The following RNF157 variants were observed in gnomAD, a reference collection of about 807,000 sequenced individuals.
RNF157 encodes E3 ubiquitin ligase RNF157.
A neutral mutation model predicts 88.3 loss-of-function variants in RNF157; 55 were observed. The ratio of observed to expected loss-of-function variants is 0.62; its 90% CI spans 0.50 to 0.78. The LOEUF is 0.78. Among genes scored for constraint, RNF157 ranks in the 30% least tolerant of loss-of-function variants. The probability of loss-of-function intolerance (pLI) is 0.00; values close to 1 mark genes in which losing one functional copy is unlikely to be tolerated. For synonymous variants in RNF157, 334 were observed against 341.2 expected (o/e 0.98, Z 0.23); for missense variants, 788 against 860.8 (o/e 0.92, Z 1.06).
chr17:76,146,423 C>A lies in RNF157; in HGVS notation c.1922-1070G>T. The stretch of plus-strand genomic sequence containing the variant: ...CCCTGGGAGTCCTCTTCATCTCCTG[C>A]CCACAGATGAGCTCCTCCCTCCAGT... On this transcript the variant is annotated intron_variant, in intron 18 of 18. Coordinates refer to ENST00000269391, the MANE Select transcript of RNF157 (RefSeq NM_052916.3). This position sits in a 1 kb window ranked among gnomAD's most constrained non-coding sequence, Gnocchi z 4.2. 2 of 985,624 alleles carry A rather than the reference C, an allele frequency of 2.0e-6. No homozygotes were observed. The highest frequency in any genetic ancestry group is 2.4e-6 in the Non-Finnish European group (2 of 830,034). 61.1% of individuals were successfully genotyped at this position (985,624 alleles called of 1,614,324 possible).
At chr17:76,179,407 A>C (rs1238852251) in intron 2 of RNF157, among the ~76,000 whole-genome samples, 1 of 151,952 alleles carries the variant, frequency 6.6e-6, no homozygotes, top group Admixed American at 6.6e-5. Flanking sequence ...GGAAAAAAAA[A>C]GAGGCCAAGC....
In RNF157 at chr17:76,145,287, C is replaced by T. The variant is rs1338715988; in HGVS notation, c.1988G>A (p.Ser663Asn). Residue 663 changes from serine to asparagine, a missense_variant, in exon 19 of 19, where the codon AGC becomes AAC. Transcript: ENST00000269391. Reference sequence around the variant, plus strand: ...GGGCCTCGTCTCAGAGTCCTCCAGGCTGCTGGATGACAAGCGCCGGCGCTG... The same window carrying T: ...GGGCCTCGTCTCAGAGTCCTCCAGGTTGCTGGATGACAAGCGCCGGCGCTG... ...NAQRRRLSSS[S>N]LEDSETRPCV... The T allele has an allele frequency of 2.5e-6, 4 of 1,610,366 alleles. No homozygotes were observed. In the African/African-American group the frequency reaches 4.0e-5, roughly 16 times the overall value.
intron 3 of RNF157, among the ~76,000 whole-genome samples, chr17:76,173,042 T>C (rs889973488): frequency 3.3e-5 from 5 of 152,180 alleles, no homozygotes; most frequent in Non-Finnish European, 7.3e-5. Context: ...ATCCCAGCAC[T>C]TTGGGAGGCC....
chr17:76,151,501 T>C (rs1018407748), intron 18 of RNF157, among the ~76,000 whole-genome samples: 2 of 152,210 alleles, frequency 1.3e-5, no homozygotes, highest in African/African-American at 2.4e-5. Flanking sequence ...GTTCAGGGAA[T>C]GTTTAAGAGG....
intron 2 of RNF157, among the ~76,000 whole-genome samples, chr17:76,209,297 T>G (rs1203054212): frequency 3.3e-5 from 5 of 152,116 alleles, no homozygotes; most frequent in Non-Finnish European, 5.9e-5. Flanking sequence ...CAGAAAGAGC[T>G]CAGTCATTCA....
intron 2 of RNF157, among the ~76,000 whole-genome samples, chr17:76,191,047 A>C (rs2069377164): frequency 6.6e-6 from 1 of 151,912 alleles, no homozygotes; most frequent in Non-Finnish European, 1.5e-5. Flanking sequence ...AAAAGTTACG[A>C]TATGGATTAG....
intron 2 of RNF157, among the ~76,000 whole-genome samples, chr17:76,209,447 G>T (rs567465019): frequency 6.6e-6 from 1 of 151,618 alleles, no homozygotes; most frequent in South Asian, 2.1e-4. Context: ...ACAGAAACTC[G>T]TAAACTTTCT....
intron 12 of RNF157, 64 bp downstream of exon 12, chr17:76,159,270 CA>C: frequency 7.0e-7 from 1 of 1,421,252 alleles, no homozygotes. Flanking sequence ...GGGCCAGCAC[CA>C]AGGAGGGATG....
intron 14 of RNF157, 120 bp downstream of exon 14, chr17:76,156,090 C>A: frequency 1.3e-6 from 1 of 752,486 alleles, no homozygotes; most frequent in Non-Finnish European, 2.2e-6. Context: ...CCAGGGCCTA[C>A]TTGTCATGCA....
chr17:76,168,994 T>C (rs2068971471), intron 3 of RNF157, among the ~76,000 whole-genome samples: 1 of 152,258 alleles, frequency 6.6e-6, no homozygotes, highest in Non-Finnish European at 1.5e-5. Context: ...CAGACGGTCC[T>C]CTTTCTCAGC....
chr17:76,189,652 G>A (rs929199603), intron 2 of RNF157, among the ~76,000 whole-genome samples: 1 of 152,164 alleles, frequency 6.6e-6, no homozygotes, highest in Non-Finnish European at 1.5e-5. Flanking sequence ...AAGGGGGCAC[G>A]GAGCTGACAG....
At chr17:76,173,931 T>TC in intron 2 of RNF157, 141 bp from the exon 3 acceptor site, 1 of 698,008 alleles carries the variant, frequency 1.4e-6, no homozygotes, top group South Asian at 1.7e-5. Flanking sequence ...AAACTGAAAC[T>TC]CCGACATACT....
At chr17:76,178,398 C>T (rs1452263015) in intron 2 of RNF157, among the ~76,000 whole-genome samples, 1 of 152,246 alleles carries the variant, frequency 6.6e-6, no homozygotes, top group Non-Finnish European at 1.5e-5. Context: ...AGCCCCACAG[C>T]GGCAGCTGGC....
rs577626787 is a variant in RNF157, at chr17:76,219,433, G to A, written c.89-6951C>T. Among the ~76,000 whole-genome samples, 2 of 151,972 alleles carry A rather than the reference G, an allele frequency of 1.3e-5. 1 individual carries two copies. Among genetic ancestry groups the A allele is most frequent in the South Asian group, 4.2e-4 (2 of 4,818 alleles). On this transcript the variant is annotated intron_variant, in intron 1 of 18. Transcript: ENST00000269391. ...TATGCTACCATGTGTGTAAGGAAGA[G>A]TGGCTATGAAGATATATACATATTA...
chr17:76,205,665 C>T (rs1437380846), intron 2 of RNF157, among the ~76,000 whole-genome samples: 10 of 151,962 alleles, frequency 6.6e-5, no homozygotes, highest in Admixed American at 6.6e-5. Flanking sequence ...GCAGAGGTTG[C>T]AGTGAGCCAA....
At chr17:76,174,343 C>A (rs2069069884) in intron 2 of RNF157, among the ~76,000 whole-genome samples, 1 of 152,130 alleles carries the variant, frequency 6.6e-6, no homozygotes, top group Non-Finnish European at 1.5e-5. Context: ...ACATGTGAGC[C>A]AAGAGTTATT....
intron 2 of RNF157, among the ~76,000 whole-genome samples, chr17:76,199,775 A>G (rs1043202808): frequency 6.6e-6 from 1 of 152,110 alleles, no homozygotes; most frequent in African/African-American, 2.4e-5. Context: ...CGTCTCTCTG[A>G]AGATCCACCT....
At chr17:76,235,478 G>A (rs543766199) in intron 1 of RNF157, among the ~76,000 whole-genome samples, 2 of 152,270 alleles carry the variant, frequency 1.3e-5, no homozygotes, top group African/African-American at 2.4e-5. Context: ...GATTACAGGC[G>A]TGAGCCACTG....
chr17:76,235,549 A>G (rs564745652), intron 1 of RNF157, among the ~76,000 whole-genome samples: 2 of 152,288 alleles, frequency 1.3e-5, no homozygotes, highest in Admixed American at 1.3e-4. Context: ...TTAAATTGAT[A>G]CTCCTAAAGC....
Sources: gnomAD v4.1 joint callset for allele counts (sites outside exome capture counted in the v4.1 genomes callset) on GRCh38, gnomAD v4.1.1 for gene constraint, Gnocchi (gnomAD v3.1) non-coding constraint, MANE v1.5 for transcripts, NCBI Gene and HGNC (gene_info 2026-07-23, HGNC 2026-07-21) for gene names.